The following CCDC180 variants were observed in gnomAD, a reference collection of about 807,000 sequenced individuals.
CCDC180 encodes coiled-coil domain-containing protein 180.
In CCDC180, 154 loss-of-function variants were observed where a neutral mutation model predicts 209.2. That is an observed-to-expected ratio of 0.74 (90% confidence interval 0.65 to 0.84). The LOEUF (loss-of-function observed/expected upper bound fraction) is 0.84, where lower values mean the gene tolerates loss of function less well. CCDC180 is among the 40% of genes least tolerant of loss of function. The probability of loss-of-function intolerance (pLI) is 0.00; values close to 1 mark genes in which losing one functional copy is unlikely to be tolerated. For missense variants in CCDC180, 1,874 were observed against 1,997.3 expected (o/e 0.94, Z 1.18); for synonymous variants, 778 against 749.1 (o/e 1.04, Z -0.63).
At chr9:97,350,962 T>G (rs1442693017) in intron 22 of CCDC180, among the ~76,000 whole-genome samples, 2 of 152,264 alleles carry the variant, frequency 1.3e-5, no homozygotes, top group African/African-American at 4.8e-5. Flanking sequence ...GGTTCATCCA[T>G]GTATCATGTA....
In CCDC180 at chr9:97,307,755, C is replaced by T; in HGVS notation, c.-133C>T. The stretch of plus-strand genomic sequence containing the variant: ...TCCCAGAGTCCCTTCGGATTTGCGC[C>T]ATGCGCGGCGGGGAGAACCGGCCTC... On this transcript the variant is annotated 5_prime_UTR_variant, in exon 1 of 37. Transcript: ENST00000529487. The T allele has an allele frequency of 6.2e-7, 1 of 1,614,204 alleles. No homozygotes were observed.
At chr9:97,342,900 A>G (rs900035836) in intron 18 of CCDC180, among the ~76,000 whole-genome samples, 6 of 152,268 alleles carry the variant, frequency 3.9e-5, no homozygotes, top group Non-Finnish European at 7.3e-5. Context: ...GTTGAATTTC[A>G]TAATCATAGA....
intron 25 of CCDC180, among the ~76,000 whole-genome samples, chr9:97,358,639 C>A (rs1826660529): frequency 6.6e-6 from 1 of 152,108 alleles, no homozygotes; most frequent in South Asian, 2.1e-4. Context: ...TGATGGGGGA[C>A]ATCGGGAGTT....
intron 31 of CCDC180, chr9:97,369,641 G>A (rs1026059683): frequency 1.1e-5 from 3 of 272,984 alleles, no homozygotes; most frequent in South Asian, 1.1e-4. Flanking sequence ...TAGAGACAGG[G>A]TCTTGCCCAA....
Position 97,330,459 on chromosome 9 carries a change from G to T in CCDC180, c.1966G>T (p.Glu656Ter). 2 of 1,614,172 alleles carry T rather than the reference G, an allele frequency of 1.2e-6. No homozygotes were observed. Among genetic ancestry groups the T allele is most frequent in the Non-Finnish European group, 1.7e-6 (2 of 1,180,032 alleles). The change falls in exon 18 of 37, where the codon GAA (glutamate) becomes TAA (stop). Residue 656 changes from glutamate (E) to a stop codon, truncating the protein, a stop_gained. Coordinates refer to ENST00000529487, the MANE Select transcript of CCDC180 (RefSeq NM_020893.6). LOFTEE classifies it high-confidence loss of function. ...CAGGTCAGTAGAAGAGGTGGAAGAA[G>T]AAAACGATCAAGAAATGGAGTCCTT... ...TARSVEEVEE[E>*]NDQEMESFIT...
rs763855620 is a variant in CCDC180, at chr9:97,362,260, G to A, written c.3721G>A (p.Ala1241Thr). The change falls in exon 28 of 37, where the codon GCA becomes ACA. Residue 1241 changes from alanine to threonine, a missense_variant. Transcript: ENST00000529487. Reference protein sequence around the residue: ...DKDPSQTGRGAWACGSRGSSE... With the variant: ...DKDPSQTGRGTWACGSRGSSE... ...AGATCCGTCCCAGACAGGTAGAGGCGCATGGGCCTGTGGGTCTCGGGGCAG... is the reference window on the plus strand; with the variant it reads ...AGATCCGTCCCAGACAGGTAGAGGCACATGGGCCTGTGGGTCTCGGGGCAG... The A allele has an allele frequency of 4.3e-5, 69 of 1,614,004 alleles. 1 individual carries two copies. Among genetic ancestry groups the A allele is most frequent in the Middle Eastern group, 3.3e-4 (2 of 6,084 alleles).
chr9:97,308,562 C>G (rs1368067150), intron 2 of CCDC180, among the ~76,000 whole-genome samples: 1 of 152,216 alleles, frequency 6.6e-6, no homozygotes, highest in Non-Finnish European at 1.5e-5. Flanking sequence ...CAGCTCCCCA[C>G]TTGTTGACCT....
At chr9:97,349,524 G>A (rs1270762097) in intron 21 of CCDC180, among the ~76,000 whole-genome samples, 1 of 152,226 alleles carries the variant, frequency 6.6e-6, no homozygotes, top group Non-Finnish European at 1.5e-5. Flanking sequence ...CAGCATGCAA[G>A]GGTGCACACC....
chr9:97,330,605 A>G lies in CCDC180; in HGVS notation c.2112A>G (p.Leu704=), dbSNP rs1587800169. 4 of 1,613,924 alleles carry G rather than the reference A, an allele frequency of 2.5e-6. No homozygotes were observed. In the East Asian group the frequency reaches 8.9e-5, roughly 36 times the overall value. The stretch of plus-strand genomic sequence containing the variant: ...TGCAGGTTGAAAGAGAGGGCTCCTT[A>G]AACCCATCCCTGAATGAGGAGAATG... ...EEMQVEREGS[L]NPSLNEENVK... Residue 704 remains leucine (L), a synonymous_variant, in exon 18 of 37, where the codon TTA becomes TTG. Coordinates refer to ENST00000529487, the MANE Select transcript of CCDC180 (RefSeq NM_020893.6).
chr9:97,323,995 C>T lies in CCDC180; in HGVS notation c.1371+92C>T, dbSNP rs145358422. The T allele has an allele frequency of 2.2e-5, 32 of 1,433,986 alleles. No homozygotes were observed. The African/African-American group carries it at 4.0e-4, about 18-fold the overall frequency. 88.8% of individuals were successfully genotyped at this position (1,433,986 alleles called of 1,614,324 possible). A position where few individuals can be genotyped will look rare whatever the true frequency, so the allele number is the denominator to read the frequency against. The stretch of plus-strand genomic sequence containing the variant: ...TGTAGGGAGAGTCCAAGAACTCCAA[C>T]TTGCATGTTCCTAGTGTGTCCGCTC... On this transcript the variant is annotated intron_variant, in intron 13 of 36. Transcript: ENST00000529487.
intron 7 of CCDC180, 40 bp downstream of exon 7, chr9:97,314,768 T>C (rs1272554011): frequency 1.9e-6 from 3 of 1,605,876 alleles, no homozygotes; most frequent in Non-Finnish European, 1.7e-6. Context: ...GACTGTCACT[T>C]GCCGGGTTTA....
At position 97,366,593 on chromosome 9, in the gene CCDC180, G is replaced by A; in HGVS notation, c.4082G>A (p.Arg1361Lys). The change falls in exon 31 of 37, where the codon AGG (arginine) becomes AAG (lysine). Residue 1361 changes from arginine (R) to lysine (K), a missense_variant. Coordinates refer to ENST00000529487, the MANE Select transcript of CCDC180 (RefSeq NM_020893.6). This position sits in a 1 kb window ranked among gnomAD's most constrained non-coding sequence, Gnocchi z 4.3. ...CGTAAAGAAAAACGCCCAGTCACCA[G>A]GCCTGACTGCATGTGTGACACCTTT... ...FYRKEKRPVT[R>K]PDCMCDTFDQ... 6.2e-7 allele frequency: 1 copy of A among 1,614,202 alleles called. No homozygotes were observed. Among genetic ancestry groups the A allele is most frequent in the Admixed American group, 1.7e-5 (1 of 60,024 alleles).
intron 29 of CCDC180, 137 bp downstream of exon 29, chr9:97,364,265 C>G: frequency 2.9e-6 from 2 of 677,986 alleles, no homozygotes; most frequent in Middle Eastern, 2.7e-4. Context: ...GAGGAGATAG[C>G]AAGGTCAAGG....
In CCDC180 at chr9:97,343,471, C is replaced by T. The variant is rs749862102; in HGVS notation, c.2406C>T (p.Thr802=). Residue 802 remains threonine, a synonymous_variant, in exon 19 of 37, where the codon ACC becomes ACT. Transcript: ENST00000529487. ...EEEHCRKSHS[T]FSAMFINDTS... is the part of the protein sequence containing the mutation. ...AGCATTGTAGGAAGTCCCATTCCAC[C>T]TTCTCAGCCATGTTCATCAACGACA... The T allele has an allele frequency of 1.2e-6, 2 of 1,614,052 alleles. No homozygotes were observed. The highest frequency in any genetic ancestry group is 8.5e-7 in the Non-Finnish European group (1 of 1,179,950).
At position 97,361,830 on chromosome 9, in the gene CCDC180, C is replaced by T. The variant is rs1826761753; in HGVS notation, c.3588C>T (p.Thr1196=). 1 of 1,614,198 alleles carries T rather than the reference C, an allele frequency of 6.2e-7. No homozygotes were observed. Among genetic ancestry groups the T allele is most frequent in the Non-Finnish European group, 8.5e-7 (1 of 1,180,036 alleles). Residue 1196 remains threonine, a synonymous_variant, in exon 27 of 37, where the codon ACC becomes ACT. Transcript: ENST00000529487. The stretch of plus-strand genomic sequence containing the variant: ...ACGTGGTCACCCCTGAGTCCTTCAC[C>T]CAGCTGAGCCGCGTGGGGAAGCCCC... ...KLDVVTPESF[T]QLSRVGKPLI...
intron 13 of CCDC180, 170 bp downstream of exon 13, chr9:97,324,073 C>A: frequency 2.8e-6 from 2 of 711,718 alleles, no homozygotes; most frequent in Non-Finnish European, 4.4e-6. Flanking sequence ...ACTCCAAGCT[C>A]ACTCACCGGA....
In CCDC180 at chr9:97,354,937, T is replaced by C; in HGVS notation, c.3193T>C (p.Ser1065Pro). ...NKFESKFHNL[S>P]VDLIFIEKIQ... is the part of the protein sequence containing the mutation. ...GTTTGAAAGCAAATTCCATAACCTG[T>C]CTGTGGACCTTATTTTCATAGAGAA... Residue 1065 changes from serine to proline, a missense_variant, in exon 24 of 37, where the codon TCT (serine) becomes CCT (proline). Ser to Pro is a moderately conservative substitution (Grantham distance 74). Coordinates refer to ENST00000529487, the MANE Select transcript of CCDC180 (RefSeq NM_020893.6). 1.9e-6 allele frequency: 3 copies of C among 1,614,192 alleles called. No homozygotes were observed. Among genetic ancestry groups the C allele is most frequent in the Non-Finnish European group, 2.5e-6 (3 of 1,179,994 alleles).
intron 35 of CCDC180, 122 bp from the exon 36 acceptor site, chr9:97,375,332 T>C: frequency 7.6e-7 from 1 of 1,310,834 alleles, no homozygotes; most frequent in East Asian, 2.4e-5. Context: ...TTCTTTTCAT[T>C]AAGATATTTA....
chr9:97,315,376 C>G (rs1833134595), intron 8 of CCDC180, among the ~76,000 whole-genome samples: 1 of 152,120 alleles, frequency 6.6e-6, no homozygotes, highest in African/African-American at 2.4e-5. Flanking sequence ...CTATGTCTGG[C>G]TTTTCTGCCT....
Sources: allele counts gnomAD v4.1 joint callset (sites outside exome capture counted in the v4.1 genomes callset), GRCh38; gene constraint gnomAD v4.1.1; non-coding constraint Gnocchi (gnomAD v3.1); transcripts MANE v1.5; gene names NCBI Gene and HGNC (gene_info 2026-07-23, HGNC 2026-07-21).